Variants in GSTCD observed in about 807,000 individuals in gnomAD.
GSTCD encodes the protein glutathione S-transferase C-terminal domain-containing protein.
Under a neutral mutation model 68.3 loss-of-function variants are expected in GSTCD, and 44 were observed. The ratio of observed to expected loss-of-function variants is 0.64; its 90% CI spans 0.51 to 0.83. The LOEUF (loss-of-function observed/expected upper bound fraction) is 0.83. Ranked by LOEUF, GSTCD falls within the 40% of genes least tolerant of loss-of-function variation. The pLI is 0.00. For missense variants in GSTCD, 739 were observed against 735.9 expected (o/e 1.00, Z -0.05); for synonymous variants, 273 against 255.2 (o/e 1.07, Z -0.67).
Position 105,779,152 on chromosome 4 carries a change from A to G in GSTCD, c.1241-43802A>G, listed in dbSNP as rs181733796. Among the ~76,000 whole-genome samples, 25 of 152,312 alleles carry G rather than the reference A, an allele frequency of 1.6e-4. No individual in the cohort carries two copies. In the East Asian group the frequency reaches 4.8e-3, roughly 29 times the overall value. On this transcript the variant is annotated intron_variant, in intron 5 of 11. Coordinates refer to ENST00000515279, the MANE Select transcript of GSTCD (RefSeq NM_001370181.1). ...ATAACAACAGAAAAATCCCATATTT[A>G]TGTTTTACATGTAGTTGTCACATCT... is the stretch of plus-strand genomic sequence containing the variant.
In GSTCD at chr4:105,719,198, G is replaced by A. The variant is rs538556119; in HGVS notation, c.565G>A (p.Val189Met). The A allele has an allele frequency of 2.0e-5, 33 of 1,614,098 alleles. 1 individual carries two copies. The Admixed American group carries it at 4.0e-4, about 20-fold the overall frequency. ...GAAAAAGCTTAGTGAGCCTGTTAGA[G>A]TGCATAATGATGATAAACTCCGCAG... The part of the protein sequence containing the change: ...LEKKLSEPVR[V>M]HNDDKLRRQK... The change falls in exon 3 of 12, where the codon GTG becomes ATG. Residue 189 changes from valine to methionine, a missense_variant. By Grantham distance (21) the Val-to-Met change is conservative. Coordinates refer to ENST00000515279, the MANE Select transcript of GSTCD (RefSeq NM_001370181.1).
intron 5 of GSTCD, among the ~76,000 whole-genome samples, chr4:105,745,201 T>A (rs1419954649): frequency 6.6e-6 from 1 of 152,186 alleles, no homozygotes; most frequent in Non-Finnish European, 1.5e-5. Context: ...TATACCCACA[T>A]TTGTGTGAAA....
chr4:105,757,747 C>T (rs997893846), intron 5 of GSTCD, among the ~76,000 whole-genome samples: 2 of 152,164 alleles, frequency 1.3e-5, no homozygotes, highest in Non-Finnish European at 1.5e-5. Context: ...GCATTGTACC[C>T]AACCTATTTC....
intron 5 of GSTCD, among the ~76,000 whole-genome samples, chr4:105,741,347 G>A (rs990663160): frequency 2.0e-5 from 3 of 152,094 alleles, no homozygotes; most frequent in African/African-American, 7.2e-5. Flanking sequence ...TAAAGAATTT[G>A]TTAGTGTTTT....
At chr4:105,844,307 G>T (rs967824407) in intron 11 of GSTCD, among the ~76,000 whole-genome samples, 4 of 152,188 alleles carry the variant, frequency 2.6e-5, no homozygotes, top group African/African-American at 9.7e-5. Context: ...GGCTGTTAAT[G>T]AAGAAGGGAT....
intron 8 of GSTCD, among the ~76,000 whole-genome samples, chr4:105,829,321 T>C (rs1578518141): frequency 6.6e-6 from 1 of 152,156 alleles, no homozygotes; most frequent in Non-Finnish European, 1.5e-5. Flanking sequence ...GGTTTACTCT[T>C]TAATATGAAC....
intron 9 of GSTCD, among the ~76,000 whole-genome samples, chr4:105,834,841 C>G (rs1395014530): frequency 6.6e-6 from 1 of 152,180 alleles, no homozygotes; most frequent in African/African-American, 2.4e-5. Context: ...AACTAGAAGT[C>G]TATTGGCTTT....
At chr4:105,724,759 G>A (rs1009257005) in intron 3 of GSTCD, among the ~76,000 whole-genome samples, 1 of 151,936 alleles carries the variant, frequency 6.6e-6, no homozygotes, top group African/African-American at 2.4e-5. Flanking sequence ...ATATTAAATT[G>A]TGATAATTTA....
intron 5 of GSTCD, among the ~76,000 whole-genome samples, chr4:105,733,705 A>T (rs984814332): frequency 1.3e-5 from 2 of 152,102 alleles, no homozygotes; most frequent in Non-Finnish European, 2.9e-5. Context: ...TAATATTGTT[A>T]TGTGTGAATT....
chr4:105,771,071 C>T (rs917001752), intron 5 of GSTCD, among the ~76,000 whole-genome samples: 5 of 152,048 alleles, frequency 3.3e-5, no homozygotes, highest in African/African-American at 9.7e-5. Flanking sequence ...ATTCTAACTG[C>T]CATGAGATGG....
intron 5 of GSTCD, among the ~76,000 whole-genome samples, chr4:105,812,457 T>G (rs904269173): frequency 6.6e-6 from 1 of 152,122 alleles, no homozygotes; most frequent in African/African-American, 2.4e-5. Context: ...CGCCTCTGCC[T>G]CCAAAGTGCC....
intron 3 of GSTCD, among the ~76,000 whole-genome samples, chr4:105,724,780 A>G (rs2149208977): frequency 6.6e-6 from 1 of 152,114 alleles, no homozygotes; most frequent in South Asian, 2.1e-4. Context: ...AACGTGTTAC[A>G]TTATTTGTGT....
rs1031197711 is a variant in GSTCD, at chr4:105,769,724, GTA to G, written c.1240+40229_1240+40230del. ...ACATTTTTTACCCCTGATTTTTTGT[GTA>G]TATGTTACCTTTACAATCAGAATAC... On this transcript the variant is annotated intron_variant, in intron 5 of 11. Transcript: ENST00000515279. Among the ~76,000 whole-genome samples, 16 of 151,960 alleles carry G rather than the reference GTA, an allele frequency of 1.1e-4. No homozygotes were observed. The South Asian group carries it at 3.3e-3, about 32-fold the overall frequency.
chr4:105,732,998 T>C (rs1024529863), intron 5 of GSTCD, among the ~76,000 whole-genome samples: 2 of 152,204 alleles, frequency 1.3e-5, no homozygotes, highest in African/African-American at 4.8e-5. Flanking sequence ...AGTTGAGCGG[T>C]TTTGAATGAG....
At chr4:105,775,421 A>G (rs2553447) in intron 5 of GSTCD, among the ~76,000 whole-genome samples, 152,320 of 152,320 alleles carry the variant, frequency 1, 76,160 homozygotes, top group Non-Finnish European at 1. Flanking sequence ...TGGGGGAGAA[A>G]AGGCATTCTG....
At chr4:105,746,377 G>T (rs1482292390) in intron 5 of GSTCD, 1 of 152,194 alleles carries the variant, frequency 6.6e-6, no homozygotes, top group Admixed American at 6.6e-5. Flanking sequence ...AGTCTTGGGG[G>T]TGGCAGAGCA....
At chr4:105,765,898 G>A (rs1350546178) in intron 5 of GSTCD, among the ~76,000 whole-genome samples, 4 of 152,090 alleles carry the variant, frequency 2.6e-5, no homozygotes, top group Admixed American at 6.5e-5. Flanking sequence ...AGGATTGTAA[G>A]TTTCCTGAGG....
intron 5 of GSTCD, among the ~76,000 whole-genome samples, chr4:105,733,506 C>A (rs185814410): frequency 1.3e-5 from 2 of 152,156 alleles, no homozygotes. Flanking sequence ...ACTAGGATTG[C>A]AAACCCTGCC....
chr4:105,767,957 T>C (rs1263087162), intron 5 of GSTCD, among the ~76,000 whole-genome samples: 3 of 152,058 alleles, frequency 2.0e-5, no homozygotes, highest in Admixed American at 1.3e-4. Context: ...AGAATTCTAG[T>C]TTTTTGCCTT....
Sources: gnomAD v4.1 joint callset for allele counts (sites outside exome capture counted in the v4.1 genomes callset) on GRCh38, gnomAD v4.1.1 for gene constraint, MANE v1.5 for transcripts, NCBI Gene and HGNC (gene_info 2026-07-23, HGNC 2026-07-21) for gene names.